Variants in SPG7 observed in about 807,000 individuals in gnomAD.
SPG7 encodes SPG7 matrix AAA peptidase subunit, paraplegin, also known as mitochondrial inner membrane m-AAA protease component paraplegin.
In SPG7, 103 loss-of-function variants were observed where a neutral mutation model predicts 81.9. That is an observed-to-expected ratio of 1.26 (90% confidence interval 1.07 to 1.48). The LOEUF (loss-of-function observed/expected upper bound fraction) is 1.48, where lower values mean the gene tolerates loss of function less well. SPG7 is among the 40% of genes most tolerant of loss of function. The pLI is 0.00. For missense variants in SPG7, 1,241 were observed against 1,087.3 expected (o/e 1.14, Z -1.99); for synonymous variants, 534 against 444.2 (o/e 1.20, Z -2.54).
At chr16:89,540,921 A>G (rs927842763) in intron 9 of SPG7, 2 of 985,382 alleles carry the variant, frequency 2.0e-6, no homozygotes, top group African/African-American at 1.7e-5. Context: ...CTGAGAGCTG[A>G]AACTGGTGTA....
rs1176530813 is a variant in SPG7, at chr16:89,532,592, C to T, written c.1280C>T (p.Thr427Met). The change falls in exon 9 of 17, where the codon ACG becomes ATG. Residue 427 changes from threonine to methionine, a missense_variant. Physicochemically the swap from Thr to Met is moderately conservative, Grantham distance 81 (BLOSUM62 -1). Coordinates refer to ENST00000645818, the MANE Select transcript of SPG7 (RefSeq NM_003119.4). ...ACCACCATGTCCGGCTTCTCCAACA[C>T]GGAGGAGGAGCAGACGCTCAACCAG... is the stretch of plus-strand genomic sequence containing the variant. ...RSTTMSGFSN[T>M]EEEQTLNQLL... The T allele has an allele frequency of 3.7e-6, 6 of 1,613,642 alleles. No individual in the cohort carries two copies. In the Admixed American group the frequency reaches 6.7e-5, roughly 18 times the overall value.
chr16:89,543,007 G>C (rs1238615273), intron 9 of SPG7: 2 of 145,396 alleles, frequency 1.4e-5, no homozygotes, highest in Non-Finnish European at 3.0e-5. Flanking sequence ...GAGTGCAGTG[G>C]CGTGATCTCG....
intron 5 of SPG7, among the ~76,000 whole-genome samples, chr16:89,527,619 C>A (rs1270307777): frequency 6.6e-6 from 1 of 152,178 alleles, no homozygotes; most frequent in Non-Finnish European, 1.5e-5. Flanking sequence ...GTGAAATTCT[C>A]ATTTCAGTGT....
At chr16:89,526,943 C>A (rs553445596) in intron 5 of SPG7, 30 of 228,422 alleles carry the variant, frequency 1.3e-4, no homozygotes, top group African/African-American at 5.2e-4. Context: ...AGTCTCAGCC[C>A]CCGACGTAGG....
At chr16:89,549,688 C>T (rs2058610290) in intron 12 of SPG7, 1 of 171,336 alleles carries the variant, frequency 5.8e-6, no homozygotes, top group Non-Finnish European at 1.3e-5. Flanking sequence ...AAAGCCTTGT[C>T]CCTGAGGCAA....
chr16:89,520,460 G>C (rs909525404), intron 3 of SPG7: 1 of 166,928 alleles, frequency 6.0e-6, no homozygotes, highest in Non-Finnish European at 1.3e-5. Context: ...GAAGTGGCGC[G>C]ATCTCAGCCC....
chr16:89,545,779 G>A (rs2058556543), intron 10 of SPG7: 3 of 328,548 alleles, frequency 9.1e-6, no homozygotes, highest in South Asian at 7.0e-5. Flanking sequence ...TGGAAGTTTT[G>A]CAGAATAAGC....
chr16:89,538,373 C>G (rs1410779980), intron 9 of SPG7: 1 of 152,036 alleles, frequency 6.6e-6, no homozygotes, highest in Non-Finnish European at 1.5e-5. Context: ...GGGAAATTCT[C>G]CCAGGTCCAA....
chr16:89,549,888 A>ACC (rs942141453), intron 12 of SPG7: 1 of 173,288 alleles, frequency 5.8e-6, no homozygotes, highest in Non-Finnish European at 1.3e-5. Context: ...ACCCTGTGGC[A>ACC]CCCCCCCAAC....
In SPG7 at chr16:89,532,021, C is replaced by T. The variant is rs1462928466; in HGVS notation, c.1105C>T (p.Pro369Ser). ...AKAVATEAQVPFLAMAGPEFV... is the reference protein window; with the variant it reads ...AKAVATEAQVSFLAMAGPEFV... ...GGCGGTGGCCACGGAGGCTCAGGTGCCCTTCCTGGCGATGGCCGGCCCAGA... is the reference window on the plus strand; with the variant it reads ...GGCGGTGGCCACGGAGGCTCAGGTGTCCTTCCTGGCGATGGCCGGCCCAGA... Residue 369 changes from proline (P) to serine (S), a missense_variant, in exon 8 of 17, where the codon CCC becomes TCC. By Grantham distance (74) the Pro-to-Ser change is moderately conservative. Coordinates refer to ENST00000645818, the MANE Select transcript of SPG7 (RefSeq NM_003119.4). 6.2e-7 allele frequency: 1 copy of T among 1,613,522 alleles called. No homozygotes were observed. Among genetic ancestry groups the T allele is most frequent in the Non-Finnish European group, 8.5e-7 (1 of 1,179,984 alleles).
Position 89,508,423 on chromosome 16 carries a change from C to CGTG in SPG7, c.7_9dup (p.Val3dup). The stretch of plus-strand genomic sequence containing the variant: ...GGCGCGGCTTTCAGGCCAACATGGC[C>CGTG]GTGCTGCTGCTGCTGCTCCGTGCCC... On this transcript the variant is annotated inframe_insertion, in exon 1 of 17. Coordinates refer to ENST00000645818, the MANE Select transcript of SPG7 (RefSeq NM_003119.4). The CGTG allele has an allele frequency of 6.7e-7, 1 of 1,490,426 alleles. No individual in the cohort carries two copies. The highest frequency in any genetic ancestry group is 2.8e-5 in the East Asian group (1 of 35,442). 92.3% of individuals were successfully genotyped at this position (1,490,426 alleles called of 1,614,324 possible). A position where few individuals can be genotyped will look rare whatever the true frequency, so the allele number is the denominator to read the frequency against.
chr16:89,517,614 G>A (rs8051247), intron 3 of SPG7: 6 of 147,072 alleles, frequency 4.1e-5, no homozygotes, highest in African/African-American at 1.0e-4. Context: ...AATTGTCGTC[G>A]TCTTTTTTTT....
At position 89,550,543 on chromosome 16, in the gene SPG7, T is replaced by C. The variant is rs2058623787; in HGVS notation, c.1713T>C (p.Val571=). The C allele has an allele frequency of 1.2e-6, 2 of 1,614,048 alleles. No individual in the cohort carries two copies. The highest frequency in any genetic ancestry group is 4.5e-5 in the East Asian group (2 of 44,884). Residue 571 remains valine, a synonymous_variant, in exon 13 of 17, where the codon GTT becomes GTC. Transcript: ENST00000645818. ...TGTCCAAGGAAGAACAGAAAGTGGT[T>C]GCGTTTCATGAGTCGGGCCACGCCT... The part of the protein sequence containing the change: ...KILSKEEQKV[V]AFHESGHALV...
At chr16:89,554,634 C>T (rs755000627) in intron 16 of SPG7, 71 bp downstream of exon 16, 2 of 1,026,950 alleles carry the variant, frequency 1.9e-6, no homozygotes, top group Non-Finnish European at 1.5e-6. Context: ...GTCCCCACCC[C>T]TCTCGTGAAG....
At chr16:89,541,264 G>A (rs538085344) in intron 9 of SPG7, 4 of 985,318 alleles carry the variant, frequency 4.1e-6, no homozygotes, top group East Asian at 1.1e-4. Context: ...TAGAAGAGCT[G>A]AAACTGGTGT....
chr16:89,522,633 G>A (rs940085406), intron 3 of SPG7: 1 of 152,766 alleles, frequency 6.5e-6, no homozygotes, highest in African/African-American at 2.4e-5. Context: ...TGTGTCCGTG[G>A]TGGTTTGTCC....
intron 12 of SPG7, chr16:89,549,678 A>C (rs142323281): frequency 5.8e-6 from 1 of 172,950 alleles, no homozygotes; most frequent in African/African-American, 2.4e-5. Flanking sequence ...TGACAGAAAA[A>C]AAGCCTTGTC....
At chr16:89,511,332 C>A (rs1376832210) in intron 2 of SPG7, among the ~76,000 whole-genome samples, 2 of 152,162 alleles carry the variant, frequency 1.3e-5, no homozygotes, top group African/African-American at 2.4e-5. Flanking sequence ...TTTAATGAAA[C>A]CTTGTGACAT....
At chr16:89,528,795 C>CA (rs2058303356) in intron 5 of SPG7, 1 of 153,940 alleles carries the variant, frequency 6.5e-6, no homozygotes, top group African/African-American at 2.4e-5. Flanking sequence ...TTTTAGTAGA[C>CA]ACAGGGTTTA....
Sources: gnomAD v4.1 joint callset for allele counts (sites outside exome capture counted in the v4.1 genomes callset) on GRCh38, gnomAD v4.1.1 for gene constraint, MANE v1.5 for transcripts, NCBI Gene and HGNC (gene_info 2026-07-23, HGNC 2026-07-21) for gene names.